Variants in BMERB1 observed in about 807,000 individuals in gnomAD.
The protein encoded by BMERB1 is bMERB domain-containing protein 1.
Under a neutral mutation model 23.6 loss-of-function variants are expected in BMERB1, and 12 were observed. That is an observed-to-expected ratio of 0.51 (90% CI 0.33 to 0.82). The LOEUF (loss-of-function observed/expected upper bound fraction) is 0.82, where lower values mean the gene tolerates loss of function less well. Ranked by LOEUF, BMERB1 falls within the 40% of genes least tolerant of loss-of-function variation. The pLI is 0.03. For synonymous variants in BMERB1, 122 were observed against 96.6 expected (o/e 1.26, Z -1.54); for missense variants, 247 against 255.4 (o/e 0.97, Z 0.22).
chr16:15,517,721 C>T (rs1374881990), intron 2 of BMERB1, among the ~76,000 whole-genome samples: 3 of 150,522 alleles, frequency 2.0e-5, no homozygotes, highest in Non-Finnish European at 2.9e-5. Flanking sequence ...ACTTACTGAC[C>T]TTTACTGTGT....
intron 3 of BMERB1, among the ~76,000 whole-genome samples, chr16:15,571,786 C>T (rs1292242813): frequency 6.6e-6 from 1 of 152,144 alleles, no homozygotes; most frequent in East Asian, 1.9e-4. Flanking sequence ...TAAGACAAGA[C>T]TATAAATCAT....
In BMERB1 at chr16:15,576,462, A is replaced by C. The variant is rs76966435; in HGVS notation, c.305-4755A>C. ...AATTCTCCAAGGATTAGTCTGGCTG[A>C]AAGGTACAGAAACCCATCCAAGCTT... On this transcript the variant is annotated intron_variant, in intron 3 of 5. Coordinates refer to ENST00000300006, the MANE Select transcript of BMERB1 (RefSeq NM_033201.3). Among the ~76,000 whole-genome samples the C allele has an allele frequency of 5.4e-3, 818 of 152,282 alleles. 38 individuals are homozygous for C. In the East Asian group the frequency reaches 0.11, roughly 21 times the overall value.
At chr16:15,573,004 G>T (rs907160513) in intron 3 of BMERB1, among the ~76,000 whole-genome samples, 22 of 152,146 alleles carry the variant, frequency 1.4e-4, no homozygotes, top group African/African-American at 4.6e-4. Context: ...CAGCCACGTG[G>T]AACTGTGAGT....
At chr16:15,482,474 G>A (rs1488977030) in intron 1 of BMERB1, among the ~76,000 whole-genome samples, 2 of 152,110 alleles carry the variant, frequency 1.3e-5, no homozygotes, top group Non-Finnish European at 2.9e-5. Context: ...GATTTGTTGG[G>A]AGACTTTGGA....
At position 15,587,417 on chromosome 16, in the gene BMERB1, T is replaced by G; in HGVS notation, c.*588T>G. ...GTAAAGATCGAGCTTGTGTGTGGTG[T>G]CGTGGTCACATCTCCCGCTTCCCCC... On this transcript the variant is annotated 3_prime_UTR_variant, in exon 6 of 6. Coordinates refer to ENST00000300006, the MANE Select transcript of BMERB1 (RefSeq NM_033201.3). 3.3e-6 allele frequency: 1 copy of G among 303,062 alleles called. No homozygotes were observed. Among genetic ancestry groups the G allele is most frequent in the Non-Finnish European group, 7.0e-6 (1 of 143,774 alleles). 18.8% of individuals were successfully genotyped at this position (303,062 alleles called of 1,614,324 possible).
intron 1 of BMERB1, 131 bp from the exon 2 acceptor site, chr16:15,515,174 G>T: frequency 7.9e-7 from 1 of 1,265,478 alleles, no homozygotes; most frequent in Non-Finnish European, 1.1e-6. Context: ...CACATTTGTG[G>T]CACAGGCTGA....
intron 2 of BMERB1, among the ~76,000 whole-genome samples, chr16:15,520,329 C>T (rs371852395): frequency 2.0e-5 from 3 of 152,010 alleles, no homozygotes; most frequent in African/African-American, 7.2e-5. Context: ...GACAAACCCC[C>T]GATTAGATGC....
chr16:15,446,491 CA>C (rs1158201122), intron 1 of BMERB1, among the ~76,000 whole-genome samples: 3 of 152,176 alleles, frequency 2.0e-5, no homozygotes, highest in Admixed American at 6.6e-5. Context: ...CCGCTCCTTA[CA>C]AAACGTTCTG....
In BMERB1 at chr16:15,434,731, G is replaced by A; in HGVS notation, c.78G>A (p.Thr26=). The A allele has an allele frequency of 1.3e-6, 2 of 1,590,672 alleles. No homozygotes were observed. The highest frequency in any genetic ancestry group is 1.1e-5 in the South Asian group (1 of 90,746). The change falls in exon 1 of 6, where the codon ACG becomes ACA. Residue 26 remains threonine (T), a synonymous_variant. Coordinates refer to ENST00000300006, the MANE Select transcript of BMERB1 (RefSeq NM_033201.3). The part of the protein sequence containing the change: ...PLRRYGAVEE[T]AWKTERLGRN... ...GGCGCTATGGGGCGGTGGAGGAGAC[G>A]GCTTGGAAAACGGAGAGACTGGGGA...
At chr16:15,485,984 GT>G (rs1450698478) in intron 1 of BMERB1, among the ~76,000 whole-genome samples, 1 of 152,144 alleles carries the variant, frequency 6.6e-6, no homozygotes, top group Non-Finnish European at 1.5e-5. Flanking sequence ...GCTCATGCCT[GT>G]AATCCTAGCA....
Position 15,581,217 on chromosome 16 carries a change from A to T in BMERB1, c.305A>T (p.Glu102Val). 6.2e-7 allele frequency: 1 copy of T among 1,608,588 alleles called. No individual in the cohort carries two copies. Among genetic ancestry groups the T allele is most frequent in the South Asian group, 1.1e-5 (1 of 89,788 alleles). Reference protein sequence around the residue: ...QELQNLVAIPEKEKTKLQKQR... With the variant: ...QELQNLVAIPVKEKTKLQKQR... ...CTCCTTGTTGATGTCTTCTTTCCAG[A>T]AAAAGAAAAAACCAAACTGCAGAAG... Residue 102 changes from glutamate to valine, a missense_variant and splice_region_variant, in exon 4 of 6, where the codon GAA becomes GTA. Coordinates refer to ENST00000300006, the MANE Select transcript of BMERB1 (RefSeq NM_033201.3).
chr16:15,474,513 G>T (rs1010213802), intron 1 of BMERB1, among the ~76,000 whole-genome samples: 1 of 151,738 alleles, frequency 6.6e-6, no homozygotes, highest in African/African-American at 2.4e-5. Context: ...AGAACTACAG[G>T]CATGTGCCAC....
Position 15,465,584 on chromosome 16 carries a change from C to T in BMERB1, c.106+30825C>T, listed in dbSNP as rs568957501. ...GCCAGGCTGGTCTCAAACTCCTGAC[C>T]TCAGGTGATCCGCCTGCCTTGGCCT... On this transcript the variant is annotated intron_variant, in intron 1 of 5. Transcript: ENST00000300006. Among the ~76,000 whole-genome samples, 6 of 152,190 alleles carry T rather than the reference C, an allele frequency of 3.9e-5. No homozygotes were observed. The East Asian group carries it at 1.2e-3, about 30-fold the overall frequency.
intron 2 of BMERB1, 119 bp downstream of exon 2, chr16:15,515,547 T>A (rs1359344865): frequency 8.9e-6 from 12 of 1,353,198 alleles, no homozygotes; most frequent in Non-Finnish European, 1.2e-5. Flanking sequence ...TGCACGTTTT[T>A]AAAAGCCTCA....
intron 2 of BMERB1, among the ~76,000 whole-genome samples, chr16:15,563,898 T>G (rs896344048): frequency 1.3e-5 from 2 of 151,556 alleles, no homozygotes; most frequent in Non-Finnish European, 2.9e-5. Context: ...CAGTGGGAGG[T>G]GTTTGGGTCA....
chr16:15,498,388 A>G (rs1233963241), intron 1 of BMERB1, among the ~76,000 whole-genome samples: 1 of 151,934 alleles, frequency 6.6e-6, no homozygotes, highest in Admixed American at 6.6e-5. Flanking sequence ...AAAGGACGTG[A>G]TGGTGCACAC....
chr16:15,446,816 A>G (rs1673567209), intron 1 of BMERB1, among the ~76,000 whole-genome samples: 1 of 152,162 alleles, frequency 6.6e-6, no homozygotes, highest in African/African-American at 2.4e-5. Flanking sequence ...CTTGAGGACT[A>G]CATCTCACCA....
At chr16:15,459,303 A>C (rs1272777133) in intron 1 of BMERB1, among the ~76,000 whole-genome samples, 1 of 152,150 alleles carries the variant, frequency 6.6e-6, no homozygotes, top group Non-Finnish European at 1.5e-5. Context: ...CAAATGGATT[A>C]AATACTCCAA....
chr16:15,502,086 C>T (rs544798305), intron 1 of BMERB1, among the ~76,000 whole-genome samples: 13 of 152,218 alleles, frequency 8.5e-5, no homozygotes, highest in Non-Finnish European at 1.3e-4. Flanking sequence ...TTGCCGAGGT[C>T]GGCCGTTAGA....
Sources: allele counts gnomAD v4.1 joint callset (sites outside exome capture counted in the v4.1 genomes callset), GRCh38; gene constraint gnomAD v4.1.1; transcripts MANE v1.5; gene names NCBI Gene and HGNC (gene_info 2026-07-23, HGNC 2026-07-21).